Variants in GALNT6 observed in about 807,000 individuals in gnomAD.
GALNT6 encodes the protein GalNAc transferase 6.
In GALNT6, 51 loss-of-function variants were observed where a neutral mutation model predicts 65.9. The ratio of observed to expected loss-of-function variants is 0.77; its 90% CI spans 0.62 to 0.98. The LOEUF is 0.98. GALNT6 is among the 50% of genes least tolerant of loss of function. The pLI is 0.00. For synonymous variants in GALNT6, 323 were observed against 315.1 expected (o/e 1.02, Z -0.26); for missense variants, 708 against 803.3 (o/e 0.88, Z 1.43).
rs1218083780 is a variant in GALNT6, at chr12:51,354,328, T to G, written c.*51A>C. The G allele has an allele frequency of 9.8e-7, 1 of 1,015,388 alleles. No individual in the cohort carries two copies. Among genetic ancestry groups the G allele is most frequent in the South Asian group, 1.6e-5 (1 of 63,036 alleles). The allele number at this position is 1,015,388 out of a possible 1,614,324, so 62.9% of individuals were successfully genotyped here. On this transcript the variant is annotated 3_prime_UTR_variant, in exon 12 of 12. Transcript: ENST00000356317. ...TGATCAGGTTCCCAGACATCAGCAATCCTGTTTCCTGAGGAGCTTGTGGGG... is the reference window on the plus strand; with the variant it reads ...TGATCAGGTTCCCAGACATCAGCAAGCCTGTTTCCTGAGGAGCTTGTGGGG...
chr12:51,390,156 CTTTTTTTT>C (rs796243349), intron 2 of GALNT6, among the ~76,000 whole-genome samples: 15,355 of 116,394 alleles, frequency 0.13, 1,032 homozygotes, highest in Middle Eastern at 0.19. Flanking sequence ...TTCTTTCTTT[CTTTTTTTT>C]TTTTTTTTTT....
At position 51,390,162 on chromosome 12, in the gene GALNT6, T is replaced by TCTTTC. The variant is rs1565741219; in HGVS notation, c.-104+687_-104+688insGAAAG. On this transcript the variant is annotated intron_variant, in intron 2 of 11. Coordinates refer to ENST00000356317, the MANE Select transcript of GALNT6 (RefSeq NM_007210.4). ...TTTCTTTCTTTCTTTCTTTCTTTTT[T>TCTTTC]TTTTTTTTTTTTTTTTTGAGACAGA... 9.1e-3 allele frequency among the ~76,000 whole-genome samples: 1,031 copies of TCTTTC among 113,212 alleles called. 8 individuals carry two copies. The highest frequency in any genetic ancestry group is 0.015 in the Non-Finnish European group (749 of 49,374). The allele number at this position is 113,212 out of a possible 152,430, so 74.3% of individuals were successfully genotyped here. A position where few individuals can be genotyped will look rare whatever the true frequency, so the allele number is the denominator to read the frequency against.
At chr12:51,377,503 G>A (rs1947504395) in intron 3 of GALNT6, 136 bp from the exon 4 acceptor site, 1 of 712,742 alleles carries the variant, frequency 1.4e-6, no homozygotes, top group Non-Finnish European at 2.4e-6. Context: ...TAGCAGGTGG[G>A]AACAGCTGTT....
intron 5 of GALNT6, 33 bp from the exon 6 acceptor site, chr12:51,364,388 G>A: frequency 6.7e-7 from 1 of 1,486,982 alleles, no homozygotes; most frequent in Non-Finnish European, 9.4e-7. Context: ...AGCAGTCAGG[G>A]CCCTGCCCAC....
At chr12:51,381,362 C>T (rs1400810741) in intron 2 of GALNT6, among the ~76,000 whole-genome samples, 1 of 152,222 alleles carries the variant, frequency 6.6e-6, no homozygotes, top group Admixed American at 6.5e-5. Context: ...TCACCAGGCT[C>T]CACCCCCAGG....
Position 51,364,156 on chromosome 12 carries a change from C to T in GALNT6, c.1014G>A (p.Glu338=). 3 of 1,614,154 alleles carry T rather than the reference C, an allele frequency of 1.9e-6. No individual in the cohort carries two copies. Among genetic ancestry groups the T allele is most frequent in the Non-Finnish European group, 2.5e-6 (3 of 1,180,010 alleles). The part of the protein sequence containing the change: ...TFGWETLPPH[E]KQRRKDETYP... Reference sequence around the variant, plus strand: ...AGGTTTCATCCTTGCGCCTCTGCTTCTCATGTGGAGGAAGTGTTTCCCAGC... The same window carrying T: ...AGGTTTCATCCTTGCGCCTCTGCTTTTCATGTGGAGGAAGTGTTTCCCAGC... Residue 338 remains glutamate (E), a synonymous_variant, in exon 6 of 12, where the codon GAG becomes GAA. Transcript: ENST00000356317.
intron 2 of GALNT6, among the ~76,000 whole-genome samples, chr12:51,388,036 C>T (rs907376068): frequency 6.6e-6 from 1 of 152,154 alleles, no homozygotes; most frequent in Non-Finnish European, 1.5e-5. Flanking sequence ...TGCCCAATTT[C>T]CCCATTGCTG....
chr12:51,357,399 C>A lies in GALNT6; in HGVS notation c.1552G>T (p.Gly518Trp), dbSNP rs142431103. The A allele has an allele frequency of 1.9e-6, 3 of 1,613,970 alleles. No homozygotes were observed. The highest frequency in any genetic ancestry group is 2.5e-6 in the Non-Finnish European group (3 of 1,179,964). Residue 518 changes from glycine (G) to tryptophan (W), a missense_variant, in exon 10 of 12, where the codon GGG becomes TGG. Transcript: ENST00000356317. ...GAGTACATGATGAGGGGCTTCCCCC[C>A]GCGGTTGTTCTCACCCACATCCAGG... The part of the protein sequence containing the change: ...QCLDVGENNR[G>W]GKPLIMYSCH...
Position 51,365,481 on chromosome 12 carries a change from G to A in GALNT6, c.763C>T (p.Leu255=). ...ERKGLITARL[L]GASVAQAEVL... ...TCCGCCTGTGCCACGCTGGCCCCCA[G>A]CAGCCGGGCGGTGATCAGCCCCTTC... Residue 255 remains leucine (L), a synonymous_variant, in exon 5 of 12, where the codon CTG becomes TTG. Coordinates refer to ENST00000356317, the MANE Select transcript of GALNT6 (RefSeq NM_007210.4). The A allele has an allele frequency of 6.2e-7, 1 of 1,612,220 alleles. No individual in the cohort carries two copies. Among genetic ancestry groups the A allele is most frequent in the Non-Finnish European group, 8.5e-7 (1 of 1,179,932 alleles).
chr12:51,369,349 C>T (rs949163585), intron 4 of GALNT6, among the ~76,000 whole-genome samples: 8 of 152,294 alleles, frequency 5.3e-5, no homozygotes, highest in Admixed American at 3.9e-4. Context: ...CAATGCCCCT[C>T]GTGATACTCC....
intron 3 of GALNT6, among the ~76,000 whole-genome samples, chr12:51,377,999 G>T (rs1371550909): frequency 6.6e-6 from 1 of 152,184 alleles, no homozygotes; most frequent in Non-Finnish European, 1.5e-5. Context: ...TCTATCTCAG[G>T]GTTGGGGTGG....
At position 51,352,000 on chromosome 12, in the gene GALNT6, A is replaced by G. The variant is rs1037426541; in HGVS notation, c.*2379T>C. The G allele has an allele frequency of 5.9e-5, 9 of 151,890 alleles. No homozygotes were observed. Among genetic ancestry groups the G allele is most frequent in the African/African-American group, 1.5e-4 (6 of 41,322 alleles). 9.4% of individuals were successfully genotyped at this position (151,890 alleles called of 1,614,324 possible). A position where few individuals can be genotyped will look rare whatever the true frequency, so the allele number is the denominator to read the frequency against. On this transcript the variant is annotated 3_prime_UTR_variant, in exon 12 of 12. Coordinates refer to ENST00000356317, the MANE Select transcript of GALNT6 (RefSeq NM_007210.4). ...CCACTCCTTTCCTTTTGGCTGGCCA[A>G]TGTCTCCTCTGTAGGCTCCAGAAGG...
chr12:51,360,619 G>T, intron 7 of GALNT6, 102 bp downstream of exon 7: 1 of 740,690 alleles, frequency 1.4e-6, no homozygotes, highest in Non-Finnish European at 2.4e-6. Context: ...TTCTAGTTCA[G>T]TTCCAGATGG....
intron 10 of GALNT6, among the ~76,000 whole-genome samples, chr12:51,356,170 G>GTA (rs1481266436): frequency 2.7e-4 from 40 of 146,828 alleles, no homozygotes; most frequent in Non-Finnish European, 3.5e-4. Flanking sequence ...ATGTGTGTGT[G>GTA]TATATATATA....
Position 51,359,201 on chromosome 12 carries a change from C to T in GALNT6, c.1299G>A (p.Glu433=), listed in dbSNP as rs758987497. ...VIARNQVRLA[E]VWMDSYKKIF... ...TCTTCTTGTAGCTGTCCATCCAGAC[C>T]TCTGCCAGGCGCACTTGATTGCGAG... is the stretch of plus-strand genomic sequence containing the variant. Residue 433 remains glutamate, a synonymous_variant, in exon 8 of 12, where the codon GAG becomes GAA. Transcript: ENST00000356317. 6.2e-7 allele frequency: 1 copy of T among 1,614,198 alleles called. No homozygotes were observed.
chr12:51,375,627 G>A (rs11609991), intron 4 of GALNT6, among the ~76,000 whole-genome samples: 16,386 of 150,610 alleles, frequency 0.11, 989 homozygotes, highest in Non-Finnish European at 0.13. Flanking sequence ...ACATGATCTC[G>A]GCTCACTGCA....
chr12:51,379,482 C>T lies in GALNT6; in HGVS notation c.300G>A (p.Lys100=), dbSNP rs1171406852. The change falls in exon 3 of 12, where the codon AAG becomes AAA. Residue 100 remains lysine, a synonymous_variant. Transcript: ENST00000356317. The part of the protein sequence containing the change: ...LPGFYTPAEL[K]PFWERPPQDP... ...CCTGTGGTGGCCGTTCCCAGAAGGGCTTCAGTTCAGCTGGGGTATAGAACC... is the reference window on the plus strand; with the variant it reads ...CCTGTGGTGGCCGTTCCCAGAAGGGTTTCAGTTCAGCTGGGGTATAGAACC... 1.9e-6 allele frequency: 3 copies of T among 1,614,080 alleles called. No individual in the cohort carries two copies. Among genetic ancestry groups the T allele is most frequent in the Admixed American group, 1.7e-5 (1 of 60,002 alleles).
In GALNT6 at chr12:51,357,397, C is replaced by T; in HGVS notation, c.1554G>A (p.Gly518=). The change falls in exon 10 of 12, where the codon GGG becomes GGA. Residue 518 remains glycine, a synonymous_variant. Coordinates refer to ENST00000356317, the MANE Select transcript of GALNT6 (RefSeq NM_007210.4). The part of the protein sequence containing the change: ...QCLDVGENNR[G]GKPLIMYSCH... ...AGGAGTACATGATGAGGGGCTTCCCCCCGCGGTTGTTCTCACCCACATCCA... is the reference window on the plus strand; with the variant it reads ...AGGAGTACATGATGAGGGGCTTCCCTCCGCGGTTGTTCTCACCCACATCCA... 6.2e-7 allele frequency: 1 copy of T among 1,614,054 alleles called. No individual in the cohort carries two copies. The highest frequency in any genetic ancestry group is 2.2e-5 in the East Asian group (1 of 44,880).
At chr12:51,389,379 T>G (rs1463568917) in intron 2 of GALNT6, among the ~76,000 whole-genome samples, 3 of 152,240 alleles carry the variant, frequency 2.0e-5, no homozygotes, top group African/African-American at 4.8e-5. Context: ...AGAAGGAAAC[T>G]GAAGCACAGG....
Sources: allele counts gnomAD v4.1 joint callset (sites outside exome capture counted in the v4.1 genomes callset), GRCh38; gene constraint gnomAD v4.1.1; transcripts MANE v1.5; gene names NCBI Gene and HGNC (gene_info 2026-07-23, HGNC 2026-07-21).